The following PSMB5 variants were observed in gnomAD, a reference collection of about 807,000 sequenced individuals.
PSMB5 encodes proteasome subunit beta type-5.
A neutral mutation model predicts 22.8 loss-of-function variants in PSMB5; 2 were observed. That is an observed-to-expected ratio of 0.09 (90% confidence interval 0.04 to 0.28). The LOEUF (loss-of-function observed/expected upper bound fraction) is 0.28. PSMB5 is among the 10% of genes least tolerant of loss of function. PSMB5 has a pLI of 1.00. For missense variants in PSMB5, 269 were observed against 343.8 expected, an observed-to-expected ratio of 0.78 and a Z score of 1.72; for synonymous variants, 133 against 135.3, an observed-to-expected ratio of 0.98 and a Z score of 0.12.
intron 2 of PSMB5, among the ~76,000 whole-genome samples, chr14:23,032,273 C>G (rs1594714809): frequency 6.6e-6 from 1 of 151,904 alleles, no homozygotes; most frequent in Non-Finnish European, 1.5e-5. Flanking sequence ...GGTGAAACCC[C>G]ATCTCTACTA....
intron 1 of PSMB5, 117 bp from the exon 2 acceptor site, chr14:23,033,791 T>TG: frequency 2.3e-6 from 2 of 887,210 alleles, no homozygotes; most frequent in Non-Finnish European, 3.4e-6. Flanking sequence ...CCTTTTATAC[T>TG]TCACAGTATA....
intron 2 of PSMB5, 114 bp downstream of exon 2, chr14:23,033,254 G>T: frequency 9.2e-7 from 1 of 1,092,062 alleles, no homozygotes; most frequent in Non-Finnish European, 1.3e-6. Flanking sequence ...GAAGGGCTAA[G>T]GACCTAATTA....
chr14:23,027,651 G>GAA (rs59941562), intron 2 of PSMB5: 819 of 736,694 alleles, frequency 1.1e-3, no homozygotes, highest in Non-Finnish European at 1.2e-3. Context: ...CTGTCTTCAG[G>GAA]AAAAAAAAAA....
At chr14:23,031,836 C>G (rs965231441) in intron 2 of PSMB5, among the ~76,000 whole-genome samples, 6 of 152,248 alleles carry the variant, frequency 3.9e-5, no homozygotes, top group African/African-American at 1.4e-4. Flanking sequence ...CTCCTGTAAT[C>G]TCAACACTTT....
chr14:23,032,729 G>A (rs1464159114), intron 2 of PSMB5, among the ~76,000 whole-genome samples: 2 of 151,222 alleles, frequency 1.3e-5, no homozygotes, highest in African/African-American at 4.9e-5. Context: ...CTCCTGAGTA[G>A]CTGGGACTAC....
intron 2 of PSMB5, chr14:23,027,806 G>T (rs1009451280): frequency 5.2e-6 from 8 of 1,547,542 alleles, no homozygotes; most frequent in Non-Finnish European, 7.0e-6. Flanking sequence ...AATGACTTAG[G>T]TTTCAAGCAC....
upstream of PSMB5, chr14:23,035,132 A>C: frequency 3.3e-6 from 2 of 604,886 alleles, no homozygotes; most frequent in Non-Finnish European, 5.4e-6. Flanking sequence ...GGCTTTGGTC[A>C]TGCAAGTAGT....
chr14:23,030,468 G>T (rs565863666), intron 2 of PSMB5, among the ~76,000 whole-genome samples: 1 of 151,110 alleles, frequency 6.6e-6, no homozygotes, highest in African/African-American at 2.4e-5. Context: ...CAGCCTGGGC[G>T]ACAGAGCGAG....
At chr14:23,033,332 T>C (rs1403355180) in intron 2 of PSMB5, 36 bp downstream of exon 2, 1 of 1,586,894 alleles carries the variant, frequency 6.3e-7, no homozygotes, top group South Asian at 1.1e-5. Context: ...CACTGTAGTG[T>C]CAGCCCAAGG....
chr14:23,026,535 C>T (rs1311936572), intron 2 of PSMB5, among the ~76,000 whole-genome samples, 160 bp from the exon 3 acceptor site: 3 of 151,870 alleles, frequency 2.0e-5, no homozygotes, highest in Non-Finnish European at 2.9e-5. Flanking sequence ...CCACAACCTC[C>T]GCCTCCTGGG....
chr14:23,034,231 C>T (rs1355355664), intron 1 of PSMB5, among the ~76,000 whole-genome samples: 1 of 152,090 alleles, frequency 6.6e-6, no homozygotes, highest in Non-Finnish European at 1.5e-5. Context: ...GGCAAGGAAC[C>T]CCAAATGTCT....
Position 23,034,516 on chromosome 14 carries a change from A to G in PSMB5, c.198+168T>C, listed in dbSNP as rs1426536616. On this transcript the variant is annotated intron_variant, in intron 1 of 2. Coordinates refer to ENST00000361611, the MANE Select transcript of PSMB5 (RefSeq NM_002797.5). ...CACCCTTTCCAACCAGAGCAAAGAC[A>G]GGGGCCTCCTGGGCCAATGAGACAG... 63 of 759,434 alleles carry G rather than the reference A, an allele frequency of 8.3e-5. No homozygotes were observed. In the East Asian group the frequency reaches 1.7e-3, roughly 20 times the overall value. 47.0% of individuals were successfully genotyped at this position (759,434 alleles called of 1,614,324 possible).
At chr14:23,033,715 A>C (rs764886853) in intron 1 of PSMB5, 41 bp from the exon 2 acceptor site, 12 of 1,556,014 alleles carry the variant, frequency 7.7e-6, no homozygotes, top group Non-Finnish European at 1.0e-5. Context: ...GCCACATAAG[A>C]CCACAAAAAC....
intron 2 of PSMB5, among the ~76,000 whole-genome samples, chr14:23,031,457 A>G (rs541114999): frequency 3.9e-5 from 6 of 152,232 alleles, no homozygotes; most frequent in Non-Finnish European, 7.3e-5. Context: ...TTTGAAAGCA[A>G]GTGAAAAAGT....
intron 1 of PSMB5, among the ~76,000 whole-genome samples, chr14:23,033,917 C>T (rs1301889417): frequency 6.6e-6 from 1 of 152,206 alleles, no homozygotes; most frequent in East Asian, 1.9e-4. Context: ...ACTCCTGTAA[C>T]CCAGGCATTT....
At chr14:23,027,862 G>T in intron 2 of PSMB5, 1 of 1,507,402 alleles carries the variant, frequency 6.6e-7, no homozygotes, top group South Asian at 1.2e-5. Flanking sequence ...CATAATCCCC[G>T]GCCAGGCGCA....
chr14:23,032,736 C>T (rs1440338671), intron 2 of PSMB5, among the ~76,000 whole-genome samples: 12 of 144,638 alleles, frequency 8.3e-5, no homozygotes, highest in South Asian at 2.2e-4. Context: ...GTAGCTGGGA[C>T]TACAGGCGCC....
intron 2 of PSMB5, among the ~76,000 whole-genome samples, chr14:23,029,757 G>C (rs2046939896): frequency 6.6e-6 from 1 of 151,784 alleles, no homozygotes; most frequent in African/African-American, 2.4e-5. Flanking sequence ...GGGATTACAG[G>C]CATGTGCCAC....
At chr14:23,030,516 T>G (rs979038863) in intron 2 of PSMB5, among the ~76,000 whole-genome samples, 8 of 151,918 alleles carry the variant, frequency 5.3e-5, no homozygotes, top group Non-Finnish European at 8.8e-5. Flanking sequence ...GTTATTTATC[T>G]TATTCAGCCT....
Sources: gnomAD v4.1 joint callset for allele counts (sites outside exome capture counted in the v4.1 genomes callset) on GRCh38, gnomAD v4.1.1 for gene constraint, MANE v1.5 for transcripts, NCBI Gene and HGNC (gene_info 2026-07-23, HGNC 2026-07-21) for gene names.